AK4: variants seen among roughly 807,000 people sequenced by gnomAD.
The protein encoded by AK4 is adenylate kinase 4, mitochondrial.
AK4 carries 13 observed loss-of-function variants against 24.6 expected under a neutral mutation model. The observed-to-expected ratio is 0.53, with a 90% confidence interval of 0.34 to 0.84. AK4 has a LOEUF of 0.84. AK4 is among the 40% of genes least tolerant of loss of function. The pLI is 0.01. For synonymous variants in AK4, 88 were observed against 107.0 expected (o/e 0.82, Z 1.10); for missense variants, 192 against 288.2 (o/e 0.67, Z 2.42).
intron 2 of AK4, among the ~76,000 whole-genome samples, chr1:65,191,601 T>C (rs1431235926): frequency 1.3e-5 from 2 of 151,374 alleles, no homozygotes; most frequent in African/African-American, 2.4e-5. Context: ...GAATGAGTTA[T>C]CTTAGTATTT....
intron 2 of AK4, among the ~76,000 whole-genome samples, chr1:65,208,524 T>C (rs138755489): frequency 6.6e-6 from 1 of 152,336 alleles, no homozygotes; most frequent in East Asian, 1.9e-4. Context: ...GGCTTGCATT[T>C]GTAACTTGGT....
At chr1:65,170,737 C>T (rs576489029) in intron 1 of AK4, among the ~76,000 whole-genome samples, 2 of 152,252 alleles carry the variant, frequency 1.3e-5, no homozygotes, top group South Asian at 2.1e-4. Context: ...AATACTGGTT[C>T]TGTTCCTTGC....
chr1:65,179,402 G>T (rs1367633964), intron 1 of AK4, among the ~76,000 whole-genome samples: 1 of 152,116 alleles, frequency 6.6e-6, no homozygotes, highest in Non-Finnish European at 1.5e-5. Context: ...GTTGAGTCTG[G>T]GCTGTATGAC....
chr1:65,182,055 A>G (rs1479261053), intron 1 of AK4, among the ~76,000 whole-genome samples: 1 of 152,138 alleles, frequency 6.6e-6, no homozygotes, highest in African/African-American at 2.4e-5. Context: ...CGCTGGGACT[A>G]CAGGTGTGTG....
chr1:65,219,265 A>G (rs1403428898), intron 3 of AK4, among the ~76,000 whole-genome samples: 7 of 151,928 alleles, frequency 4.6e-5, no homozygotes, highest in East Asian at 1.9e-4. Context: ...TCTGGGGAAA[A>G]TAATACTCCC....
In AK4 at chr1:65,226,727, G is replaced by A. The variant is rs541916862; in HGVS notation, c.*550G>A. 5 of 152,434 alleles carry A rather than the reference G, an allele frequency of 3.3e-5. No homozygotes were observed. The highest frequency in any genetic ancestry group is 2.1e-4 in the South Asian group (1 of 4,818). The allele number at this position is 152,434 out of a possible 1,614,324, so 9.4% of individuals were successfully genotyped here. ...CTGTGTCCACAGTTCATTTTTTTCC[G>A]GTAGGAATAACTCCTTTTCTACATC... On this transcript the variant is annotated 3_prime_UTR_variant, in exon 5 of 5. Transcript: ENST00000327299.
intron 1 of AK4, among the ~76,000 whole-genome samples, chr1:65,156,183 TA>T (rs1336117152): frequency 6.6e-5 from 10 of 152,328 alleles, no homozygotes; most frequent in Admixed American, 5.9e-4. Flanking sequence ...ATGCAGATAG[TA>T]AAATTTTCAA....
At chr1:65,196,941 G>A (rs183003145) in intron 2 of AK4, among the ~76,000 whole-genome samples, 29 of 152,250 alleles carry the variant, frequency 1.9e-4, no homozygotes, top group Admixed American at 7.2e-4. Flanking sequence ...AAATCACATC[G>A]TACCTGGATG....
intron 2 of AK4, among the ~76,000 whole-genome samples, chr1:65,207,208 C>G (rs971762040): frequency 6.6e-6 from 1 of 152,004 alleles, no homozygotes; most frequent in African/African-American, 2.4e-5. Flanking sequence ...CTTTTCCTTC[C>G]TCCTCCCTTC....
Position 65,158,191 on chromosome 1 carries a change from A to T in AK4, c.145+9639A>T, listed in dbSNP as rs56739700. Reference sequence around the variant, plus strand: ...TAGTGGCATTGTAGTATATGCATTTAAACTTCGGCTTTTAACTTCTGGAAC... The same window carrying T: ...TAGTGGCATTGTAGTATATGCATTTTAACTTCGGCTTTTAACTTCTGGAAC... On this transcript the variant is annotated intron_variant, in intron 1 of 4. Transcript: ENST00000327299. 8.5e-3 allele frequency among the ~76,000 whole-genome samples: 1,298 copies of T among 152,274 alleles called. 20 individuals carry two copies. Among genetic ancestry groups the T allele is most frequent in the African/African-American group, 0.03 (1,243 of 41,554 alleles).
At chr1:65,190,881 C>A in intron 2 of AK4, 52 bp downstream of exon 2, 4 of 1,589,530 alleles carry the variant, frequency 2.5e-6, no homozygotes, top group South Asian at 1.2e-5. Context: ...CAGTTAAGGT[C>A]TTGCACACTC....
chr1:65,173,171 A>G (rs563872906), intron 1 of AK4, among the ~76,000 whole-genome samples: 1 of 152,216 alleles, frequency 6.6e-6, no homozygotes, highest in African/African-American at 2.4e-5. Flanking sequence ...GCCTAGCAAG[A>G]GATTTTTGAA....
chr1:65,230,388 C>T lies in AK4; in HGVS notation c.*4211C>T, dbSNP rs1652605205. On this transcript the variant is annotated 3_prime_UTR_variant, in exon 5 of 5. Transcript: ENST00000327299. ...AGTTTAGTTCACCGGAACCTGAGTT[C>T]AGTATTTGACATTAGCTTTTTGTCC... The T allele has an allele frequency of 6.6e-6, 1 of 152,174 alleles. No homozygotes were observed. The highest frequency in any genetic ancestry group is 6.5e-5 in the Admixed American group (1 of 15,274). 9.4% of individuals were successfully genotyped at this position (152,174 alleles called of 1,614,324 possible).
At chr1:65,194,548 A>G (rs1651410379) in intron 2 of AK4, among the ~76,000 whole-genome samples, 1 of 150,988 alleles carries the variant, frequency 6.6e-6, no homozygotes, top group Non-Finnish European at 1.5e-5. Flanking sequence ...TGCAACCTCC[A>G]CCTCCCAGGT....
intron 1 of AK4, among the ~76,000 whole-genome samples, chr1:65,176,839 G>A (rs1260187250): frequency 2.0e-5 from 3 of 152,080 alleles, no homozygotes; most frequent in African/African-American, 7.2e-5. Context: ...AGTAGTTCCT[G>A]GTGTCATATT....
intron 1 of AK4, among the ~76,000 whole-genome samples, chr1:65,164,310 C>T (rs1260921004): frequency 1.3e-5 from 2 of 152,180 alleles, no homozygotes; most frequent in Admixed American, 6.5e-5. Context: ...ATTTCTTTCA[C>T]TGTCATAATT....
In AK4 at chr1:65,231,750, C is replaced by T. The variant is rs1242977447; in HGVS notation, c.*5573C>T. 1 of 152,154 alleles carries T rather than the reference C, an allele frequency of 6.6e-6. No homozygotes were observed. The highest frequency in any genetic ancestry group is 2.4e-5 in the African/African-American group (1 of 41,434). The allele number at this position is 152,154 out of a possible 1,614,324, so 9.4% of individuals were successfully genotyped here. Reference sequence around the variant, plus strand: ...TTTTCTAGTTTTATGAGAATTTGTACTACTGATTTTTATATATTCCTGTTT... The same window carrying T: ...TTTTCTAGTTTTATGAGAATTTGTATTACTGATTTTTATATATTCCTGTTT... On this transcript the variant is annotated 3_prime_UTR_variant, in exon 5 of 5. Coordinates refer to ENST00000327299, the MANE Select transcript of AK4 (RefSeq NM_013410.4).
chr1:65,175,069 A>G (rs540088246), intron 1 of AK4, among the ~76,000 whole-genome samples: 1 of 152,296 alleles, frequency 6.6e-6, no homozygotes, highest in South Asian at 2.1e-4. Flanking sequence ...ATTTTAAACA[A>G]CCAAAATAGT....
chr1:65,158,023 T>C (rs552785892), intron 1 of AK4, among the ~76,000 whole-genome samples: 2 of 152,338 alleles, frequency 1.3e-5, no homozygotes, highest in East Asian at 3.9e-4. Flanking sequence ...CTTGCTTTTA[T>C]GGCTTGGCCT....
Sources: gnomAD v4.1 joint callset for allele counts (sites outside exome capture counted in the v4.1 genomes callset) on GRCh38, gnomAD v4.1.1 for gene constraint, MANE v1.5 for transcripts, NCBI Gene and HGNC (gene_info 2026-07-23, HGNC 2026-07-21) for gene names.